ANKS1B: variants seen among roughly 807,000 people sequenced by gnomAD.
ANKS1B encodes the protein ankyrin repeat and sterile alpha motif domain-containing protein 1B.
ANKS1B carries 36 observed loss-of-function variants against 148.3 expected under a neutral mutation model. The ratio of observed to expected loss-of-function variants is 0.24; its 90% CI spans 0.19 to 0.32. The LOEUF is 0.32. ANKS1B is among the 10% of genes least tolerant of loss of function. ANKS1B has a pLI of 1.00. For missense variants in ANKS1B, 1,157 were observed against 1,542.6 expected (o/e 0.75, Z 4.19); for synonymous variants, 542 against 560.8 (o/e 0.97, Z 0.47).
At chr12:99,371,249 G>A (rs545963074) in intron 12 of ANKS1B, among the ~76,000 whole-genome samples, 2 of 152,056 alleles carry the variant, frequency 1.3e-5, no homozygotes, top group Admixed American at 6.6e-5. Context: ...TCCTTGTCTA[G>A]GTAGCATGTG....
At chr12:99,589,581 G>C (rs1317941200) in intron 9 of ANKS1B, among the ~76,000 whole-genome samples, 4 of 151,960 alleles carry the variant, frequency 2.6e-5, no homozygotes, top group African/African-American at 4.8e-5. Context: ...TTAACTTTCT[G>C]GAAAACAACT....
chr12:99,482,624 T>C (rs527825975), intron 10 of ANKS1B, among the ~76,000 whole-genome samples: 46 of 151,660 alleles, frequency 3.0e-4, no homozygotes, highest in African/African-American at 9.9e-4. Context: ...TTGGGCAGTA[T>C]GGTCATTTTT....
In ANKS1B at chr12:99,772,907, C is replaced by G; in HGVS notation, c.1128+15G>C. On this transcript the variant is annotated intron_variant, in intron 8 of 26. Transcript: ENST00000683438. The stretch of plus-strand genomic sequence containing the variant: ...AGACAGACACATTATCTTCATTCCC[C>G]CCCGCCTTACTTACTACACTCTGGC... 1 of 1,603,954 alleles carries G rather than the reference C, an allele frequency of 6.2e-7. No homozygotes were observed. The highest frequency in any genetic ancestry group is 8.5e-7 in the Non-Finnish European group (1 of 1,175,002).
chr12:99,730,662 A>C (rs1274179677), intron 8 of ANKS1B, among the ~76,000 whole-genome samples: 1 of 151,924 alleles, frequency 6.6e-6, no homozygotes, highest in Non-Finnish European at 1.5e-5. Flanking sequence ...CCATAGGATT[A>C]CTCTCTGTCT....
intron 11 of ANKS1B, among the ~76,000 whole-genome samples, chr12:99,428,254 G>T (rs542115210): frequency 1.3e-5 from 2 of 152,036 alleles, no homozygotes; most frequent in Admixed American, 6.5e-5. Flanking sequence ...TATCCATCAG[G>T]GGCCAACCAG....
Position 99,154,276 on chromosome 12 carries a change from G to C in ANKS1B, c.2526+13C>G, listed in dbSNP as rs745344478. The C allele has an allele frequency of 6.2e-7, 1 of 1,613,308 alleles. No homozygotes were observed. Among genetic ancestry groups the C allele is most frequent in the South Asian group, 1.1e-5 (1 of 91,060 alleles). On this transcript the variant is annotated intron_variant, in intron 15 of 26. Transcript: ENST00000683438. ...GACAAAAGGCAGCTCCGTGGACACA[G>C]AGAGCTTCTTACCATAAACTGCACA...
chr12:99,797,174 T>A (rs1250102664), intron 4 of ANKS1B, among the ~76,000 whole-genome samples: 2 of 151,950 alleles, frequency 1.3e-5, no homozygotes, highest in Non-Finnish European at 2.9e-5. Context: ...AATAATTTCC[T>A]TCTTTTCATC....
intron 19 of ANKS1B, among the ~76,000 whole-genome samples, chr12:98,827,598 G>A (rs1378594743): frequency 6.6e-6 from 1 of 152,092 alleles, no homozygotes; most frequent in Non-Finnish European, 1.5e-5. Context: ...AGCATGTAAG[G>A]GTGCAGTCTT....
intron 10 of ANKS1B, among the ~76,000 whole-genome samples, chr12:99,458,895 C>T (rs1452024278): frequency 6.6e-6 from 1 of 151,756 alleles, no homozygotes; most frequent in African/African-American, 2.4e-5. Context: ...AAGAGAATCC[C>T]CCCTAAATTA....
chr12:99,627,190 CAT>C (rs1489973556), intron 9 of ANKS1B, among the ~76,000 whole-genome samples: 1 of 152,110 alleles, frequency 6.6e-6, no homozygotes, highest in African/African-American at 2.4e-5. Flanking sequence ...TATTTATTGA[CAT>C]ATGCAGAAAA....
At chr12:98,857,918 G>C (rs1306871812) in intron 17 of ANKS1B, among the ~76,000 whole-genome samples, 1 of 152,166 alleles carries the variant, frequency 6.6e-6, no homozygotes, top group Non-Finnish European at 1.5e-5. Context: ...GAAGTATGTA[G>C]CTATATTTTG....
At chr12:99,221,717 T>A (rs2085155890) in intron 14 of ANKS1B, among the ~76,000 whole-genome samples, 1 of 152,232 alleles carries the variant, frequency 6.6e-6, no homozygotes, top group Admixed American at 6.5e-5. Context: ...CTTTTCCTTA[T>A]ATTGCTGCTG....
At chr12:98,971,593 C>T (rs868563973) in intron 17 of ANKS1B, among the ~76,000 whole-genome samples, 4 of 152,240 alleles carry the variant, frequency 2.6e-5, no homozygotes, top group South Asian at 4.1e-4. Flanking sequence ...TGACATGGTA[C>T]GGATAACTAG....
chr12:98,924,951 C>A (rs539320562), intron 17 of ANKS1B, among the ~76,000 whole-genome samples: 4 of 152,128 alleles, frequency 2.6e-5, no homozygotes, highest in Non-Finnish European at 5.9e-5. Context: ...TGAGCCTTCT[C>A]CAAAAAATTT....
chr12:98,773,779 T>C (rs1187155987), intron 24 of ANKS1B, among the ~76,000 whole-genome samples: 1 of 152,160 alleles, frequency 6.6e-6, no homozygotes. Flanking sequence ...ATAATAGTAA[T>C]TACTAAGCAT....
chr12:99,224,888 A>G (rs1245870581), intron 14 of ANKS1B, among the ~76,000 whole-genome samples: 1 of 152,158 alleles, frequency 6.6e-6, no homozygotes, highest in Admixed American at 6.5e-5. Context: ...TCCCAACATT[A>G]CTGTTACATA....
intron 12 of ANKS1B, among the ~76,000 whole-genome samples, chr12:99,372,207 G>T (rs7134834): frequency 6.6e-6 from 1 of 151,914 alleles, no homozygotes; most frequent in African/African-American, 2.4e-5. Flanking sequence ...TTCATGATGG[G>T]GGAGGCTGTG....
intron 5 of ANKS1B, among the ~76,000 whole-genome samples, chr12:99,781,257 G>A (rs1194705036): frequency 6.6e-6 from 1 of 152,016 alleles, no homozygotes; most frequent in Non-Finnish European, 1.5e-5. Context: ...TTTTAACTTT[G>A]TTAAATTGTG....
At chr12:99,173,622 T>C (rs917149420) in intron 14 of ANKS1B, among the ~76,000 whole-genome samples, 1 of 152,174 alleles carries the variant, frequency 6.6e-6, no homozygotes, top group Non-Finnish European at 1.5e-5. Flanking sequence ...AATATAAACA[T>C]ATAATTAGGT....
Sources: gnomAD v4.1 joint callset for allele counts (sites outside exome capture counted in the v4.1 genomes callset) on GRCh38, gnomAD v4.1.1 for gene constraint, MANE v1.5 for transcripts, NCBI Gene and HGNC (gene_info 2026-07-23, HGNC 2026-07-21) for gene names.